Variants in NBAS observed in about 807,000 individuals in gnomAD.
NBAS encodes NBAS subunit of NRZ tethering complex.
In NBAS, 219 loss-of-function variants were observed where a neutral mutation model predicts 302.5. The ratio of observed to expected loss-of-function variants is 0.72; its 90% CI spans 0.65 to 0.81. The LOEUF is 0.81. Ranked by LOEUF, NBAS falls within the 30% of genes least tolerant of loss-of-function variation. NBAS has a pLI of 0.00. For synonymous variants in NBAS, 1,118 were observed against 1,021.6 expected (o/e 1.09, Z -1.80); for missense variants, 2,932 against 2,841.6 (o/e 1.03, Z -0.72).
chr2:15,405,439 CT>C (rs939359474), intron 25 of NBAS, among the ~76,000 whole-genome samples: 1 of 152,022 alleles, frequency 6.6e-6, no homozygotes, highest in African/African-American at 2.4e-5. Flanking sequence ...CTAAGACACA[CT>C]TTTTTTTCAT....
chr2:14,871,711 A>T, the NBAS span, among the ~76,000 whole-genome samples: 1 of 152,232 alleles, frequency 6.6e-6, no homozygotes, highest in East Asian at 1.9e-4. Context: ...AATATTACAT[A>T]AAAGTAGACT....
intron 35 of NBAS, among the ~76,000 whole-genome samples, chr2:15,348,859 G>A (rs1343195156): frequency 3.3e-5 from 5 of 152,130 alleles, no homozygotes; most frequent in Admixed American, 6.6e-5. Flanking sequence ...TCCAGTGACC[G>A]GACAATACCA....
chr2:15,125,551 T>A, the NBAS span, among the ~76,000 whole-genome samples: 1 of 152,138 alleles, frequency 6.6e-6, no homozygotes, highest in African/African-American at 2.4e-5. Context: ...GAACATGAGA[T>A]TTGGCCAGGG....
chr2:14,800,036 T>C, the NBAS span, among the ~76,000 whole-genome samples: 1 of 152,242 alleles, frequency 6.6e-6, no homozygotes, highest in South Asian at 2.1e-4. Context: ...GGAATGCATA[T>C]ACCACTAGCA....
chr2:15,100,107 T>C, the NBAS span, among the ~76,000 whole-genome samples: 1 of 152,358 alleles, frequency 6.6e-6, no homozygotes, highest in East Asian at 1.9e-4. Flanking sequence ...AAGGCATCAT[T>C]CACACTGTAT....
chr2:15,314,110 T>G (rs1427179221), intron 38 of NBAS, among the ~76,000 whole-genome samples: 5 of 152,104 alleles, frequency 3.3e-5, no homozygotes, highest in Non-Finnish European at 7.4e-5. Flanking sequence ...TCCCAGCACT[T>G]TGGGAGGCCG....
At chr2:15,132,752 A>C in the NBAS span, among the ~76,000 whole-genome samples, 2,096 of 152,222 alleles carry the variant, frequency 0.014, 49 homozygotes, top group African/African-American at 0.048. Context: ...CTAAAAAAAA[A>C]GTCTATTTTT....
chr2:15,336,128 G>C (rs540316926), intron 35 of NBAS, among the ~76,000 whole-genome samples: 4 of 151,298 alleles, frequency 2.6e-5, no homozygotes, highest in Admixed American at 2.0e-4. Flanking sequence ...CCTGTTCCAA[G>C]ATCAAAAAGA....
the NBAS span, among the ~76,000 whole-genome samples, chr2:14,972,476 A>G: frequency 6.6e-6 from 1 of 152,186 alleles, no homozygotes; most frequent in South Asian, 2.1e-4. Context: ...GTCAAATGGT[A>G]CCCTCTGTTA....
chr2:14,854,735 C>T, the NBAS span, among the ~76,000 whole-genome samples: 1 of 152,228 alleles, frequency 6.6e-6, no homozygotes, highest in East Asian at 1.9e-4. Context: ...ATGGAGGGAG[C>T]ATTTAAACTA....
At chr2:14,786,125 T>C in the NBAS span, among the ~76,000 whole-genome samples, 1 of 152,240 alleles carries the variant, frequency 6.6e-6, no homozygotes, top group Non-Finnish European at 1.5e-5. Flanking sequence ...GTTTGTAGTA[T>C]TCTCTGATGG....
rs189642568 is a variant in NBAS at position 15,254,372 on chromosome 2, C to T, written c.5725-15686G>A. Among the ~76,000 whole-genome samples, 12 of 152,266 alleles carry T rather than the reference C, an allele frequency of 7.9e-5. No homozygotes were observed. The South Asian group carries it at 1.5e-3, about 18-fold the overall frequency. On this transcript the variant is annotated intron_variant, in intron 44 of 51. Coordinates refer to ENST00000281513, the MANE Select transcript of NBAS (RefSeq NM_015909.4). ...TAACTCCATTTCCAGCATGGCACGG[C>T]TGGCCTAGAGTCAATTAAACTCTTT...
chr2:15,219,303 A>AT (rs149822429), intron 47 of NBAS, among the ~76,000 whole-genome samples: 2,511 of 144,040 alleles, frequency 0.017, 54 homozygotes, highest in African/African-American at 0.058. Context: ...CATTCTAGTA[A>AT]TTTTTTTTTT....
At chr2:15,188,514 G>T (rs1405797951) in intron 49 of NBAS, among the ~76,000 whole-genome samples, 2 of 152,184 alleles carry the variant, frequency 1.3e-5, no homozygotes, top group South Asian at 2.1e-4. Context: ...CTTAGGCAGA[G>T]GAGACATGAA....
chr2:14,835,037 A>G, the NBAS span, among the ~76,000 whole-genome samples: 2 of 152,094 alleles, frequency 1.3e-5, no homozygotes, highest in African/African-American at 4.8e-5. Context: ...AATCAATAGA[A>G]GTTTATTAAA....
chr2:15,108,742 A>G, the NBAS span, among the ~76,000 whole-genome samples: 1 of 152,154 alleles, frequency 6.6e-6, no homozygotes, highest in Admixed American at 6.6e-5. Context: ...ATAGTCTGTC[A>G]GCCTGAAAAG....
the NBAS span, among the ~76,000 whole-genome samples, chr2:15,000,374 C>T: frequency 6.6e-6 from 1 of 152,136 alleles, no homozygotes; most frequent in Admixed American, 6.5e-5. Context: ...CTATTTAACC[C>T]AGTTTTACAA....
intron 50 of NBAS, among the ~76,000 whole-genome samples, chr2:15,185,600 C>T (rs1224371423): frequency 6.6e-6 from 1 of 152,108 alleles, no homozygotes; most frequent in African/African-American, 2.4e-5. Flanking sequence ...CACAATATAG[C>T]AGAGCAGATC....
chr2:14,932,619 A>G, the NBAS span, among the ~76,000 whole-genome samples: 1 of 152,220 alleles, frequency 6.6e-6, no homozygotes, highest in African/African-American at 2.4e-5. Flanking sequence ...AAAGGCATCA[A>G]TATGACAGGG....
Sources: allele counts gnomAD v4.1 joint callset (sites outside exome capture counted in the v4.1 genomes callset), GRCh38; gene constraint gnomAD v4.1.1; transcripts MANE v1.5; gene names NCBI Gene and HGNC (gene_info 2026-07-23, HGNC 2026-07-21).